IFT140: variants seen among roughly 807,000 people sequenced by gnomAD.
IFT140 encodes the protein intraflagellar transport 140.
A neutral mutation model predicts 164.6 loss-of-function variants in IFT140; 133 were observed. The observed-to-expected ratio is 0.81, with a 90% CI of 0.70 to 0.93. IFT140 has a LOEUF of 0.93. Among genes scored for constraint, IFT140 ranks in the 40% least tolerant of loss-of-function variants. IFT140 has a pLI of 0.00. For missense variants in IFT140, 2,045 were observed against 1,972.3 expected (o/e 1.04, Z -0.70); for synonymous variants, 860 against 817.3 (o/e 1.05, Z -0.89).
At chr16:1,574,022 G>A (rs2034148203) in intron 13 of IFT140, among the ~76,000 whole-genome samples, 1 of 152,154 alleles carries the variant, frequency 6.6e-6, no homozygotes, top group African/African-American at 2.4e-5. Context: ...TGCCGCCACA[G>A]GTAGCTGAGA....
At chr16:1,557,433 C>T (rs2033160895) in intron 19 of IFT140, 1 of 159,554 alleles carries the variant, frequency 6.3e-6, no homozygotes, top group African/African-American at 2.4e-5. Flanking sequence ...CCTTTTACCT[C>T]TTTAGTTTCA....
In IFT140 at chr16:1,553,802, T is replaced by A; in HGVS notation, c.2399+4133A>T. 8.3e-7 allele frequency: 1 copy of A among 1,198,664 alleles called. No homozygotes were observed. The highest frequency in any genetic ancestry group is 1.1e-6 in the Non-Finnish European group (1 of 946,844). 74.3% of individuals were successfully genotyped at this position (1,198,664 alleles called of 1,614,324 possible). On this transcript the variant is annotated intron_variant, in intron 19 of 30. Coordinates refer to ENST00000426508, the MANE Select transcript of IFT140 (RefSeq NM_014714.4). The surrounding 1 kb of genome is among the most constrained non-coding windows in gnomAD (Gnocchi z 4.4). ...CTCTCCTCCATCCTAGAGCCTATGT[T>A]TCCAGCTGGATTAGGACGCCCGGCT...
chr16:1,582,281 G>A (rs1308139749), intron 12 of IFT140, among the ~76,000 whole-genome samples: 1 of 152,156 alleles, frequency 6.6e-6, no homozygotes, highest in Non-Finnish European at 1.5e-5. Context: ...ACTCACGAGT[G>A]TCCCTGTAAG....
intron 19 of IFT140, among the ~76,000 whole-genome samples, chr16:1,528,456 C>T (rs1346696460): frequency 1.3e-5 from 2 of 151,186 alleles, no homozygotes; most frequent in African/African-American, 4.9e-5. Context: ...CACATGCATG[C>T]ACACACACAT....
intron 19 of IFT140, among the ~76,000 whole-genome samples, chr16:1,537,655 A>AG (rs2031206307): frequency 6.6e-6 from 1 of 152,270 alleles, no homozygotes; most frequent in East Asian, 1.9e-4. Flanking sequence ...CCATGTCCAG[A>AG]GGGGGTCTCA....
chr16:1,526,757 C>T lies in IFT140; in HGVS notation c.2439G>A (p.Lys813=), dbSNP rs1289609387. Residue 813 remains lysine (K), a synonymous_variant, in exon 20 of 31, where the codon AAG becomes AAA. Coordinates refer to ENST00000426508, the MANE Select transcript of IFT140 (RefSeq NM_014714.4). ...VWENMARMCV[K]TQRLDVAKVC... ...CCTTGGCCACGTCCAGCCGCTGGGT[C>T]TTCACGCACATGCGCGCCATGTTCT... 1.9e-6 allele frequency: 3 copies of T among 1,610,666 alleles called. No individual in the cohort carries two copies.
chr16:1,564,240 G>A lies in IFT140; in HGVS notation c.1902-78C>T, dbSNP rs992653133. 9.8e-6 allele frequency: 13 copies of A among 1,322,890 alleles called. No homozygotes were observed. Among genetic ancestry groups the A allele is most frequent in the Admixed American group, 5.1e-5 (2 of 39,158 alleles). 81.9% of individuals were successfully genotyped at this position (1,322,890 alleles called of 1,614,324 possible). A position where few individuals can be genotyped will look rare whatever the true frequency, so the allele number is the denominator to read the frequency against. ...CAGTCTCCCTCCCACACACATTCCCGAAGCCTCCAGGTGCTGTCCCAGACC... is the reference window on the plus strand; with the variant it reads ...CAGTCTCCCTCCCACACACATTCCCAAAGCCTCCAGGTGCTGTCCCAGACC... On this transcript the variant is annotated intron_variant, in intron 16 of 30. Coordinates refer to ENST00000426508, the MANE Select transcript of IFT140 (RefSeq NM_014714.4). This position sits in a 1 kb window ranked among gnomAD's most constrained non-coding sequence, Gnocchi z 5.5.
intron 19 of IFT140, among the ~76,000 whole-genome samples, chr16:1,528,531 A>AC (rs1403431099): frequency 6.6e-6 from 1 of 151,690 alleles, no homozygotes; most frequent in Non-Finnish European, 1.5e-5. Flanking sequence ...AGGCACACAC[A>AC]AGCACATGCA....
intron 4 of IFT140, 98 bp downstream of exon 4, chr16:1,602,272 G>T: frequency 9.7e-7 from 1 of 1,030,286 alleles, no homozygotes; most frequent in Non-Finnish European, 1.5e-6. Flanking sequence ...AACTGAATTT[G>T]GCAACAGCAC....
chr16:1,511,698 C>T (rs1327374830), intron 30 of IFT140, among the ~76,000 whole-genome samples: 2 of 151,972 alleles, frequency 1.3e-5, no homozygotes, highest in Non-Finnish European at 2.9e-5. Context: ...CTGGGGTGGG[C>T]GCTGGTGGAG....
rs538771201 is a variant in IFT140 at position 1,604,921 on chromosome 16, G to A, written c.147+2199C>T. The stretch of plus-strand genomic sequence containing the variant: ...TGGGAGGTGCCCATCTCAGTGAGCA[G>A]GAGATATGAGGCAGGGGAAGGGTGG... On this transcript the variant is annotated intron_variant, in intron 3 of 30. Coordinates refer to ENST00000426508, the MANE Select transcript of IFT140 (RefSeq NM_014714.4). 3.3e-5 allele frequency among the ~76,000 whole-genome samples: 5 copies of A among 152,174 alleles called. No homozygotes were observed. The South Asian group carries it at 8.3e-4, about 25-fold the overall frequency.
chr16:1,553,713 G>T lies in IFT140; in HGVS notation c.2399+4222C>A. 9.0e-7 allele frequency: 1 copy of T among 1,115,408 alleles called. No homozygotes were observed. The highest frequency in any genetic ancestry group is 2.2e-5 in the South Asian group (1 of 44,950). 69.1% of individuals were successfully genotyped at this position (1,115,408 alleles called of 1,614,324 possible). ...TGGCTGGAGGCCCCATGGCCTCCAGGACAATCTGTGGCCACATCCCCATGG... is the reference window on the plus strand; with the variant it reads ...TGGCTGGAGGCCCCATGGCCTCCAGTACAATCTGTGGCCACATCCCCATGG... On this transcript the variant is annotated intron_variant, in intron 19 of 30. Coordinates refer to ENST00000426508, the MANE Select transcript of IFT140 (RefSeq NM_014714.4). The surrounding 1 kb of genome is among the most constrained non-coding windows in gnomAD (Gnocchi z 4.4).
At chr16:1,607,328 T>G (rs1260447139) in intron 2 of IFT140, 31 bp from the exon 3 acceptor site, 2 of 1,542,218 alleles carry the variant, frequency 1.3e-6, no homozygotes, top group African/African-American at 1.4e-5. Flanking sequence ...CCAAGTCCAA[T>G]CAGTTTTAAA....
Position 1,562,125 on chromosome 16 carries a change from G to T in IFT140, c.2068-9C>A. 1 of 1,574,262 alleles carries T rather than the reference G, an allele frequency of 6.4e-7. No homozygotes were observed. Reference sequence around the variant, plus strand: ...AGGATCAAAACATCTGCCTGGGAGAGAAAGAAAAGTACTGTTCTGTTTTTT... The same window carrying T: ...AGGATCAAAACATCTGCCTGGGAGATAAAGAAAAGTACTGTTCTGTTTTTT... On this transcript the variant is annotated splice_polypyrimidine_tract_variant and intron_variant, in intron 17 of 30. Coordinates refer to ENST00000426508, the MANE Select transcript of IFT140 (RefSeq NM_014714.4).
intron 13 of IFT140, among the ~76,000 whole-genome samples, chr16:1,576,286 TAAAA>T (rs35262072): frequency 8.7e-6 from 1 of 115,380 alleles, no homozygotes; most frequent in African/African-American, 3.3e-5. Flanking sequence ...ACTCTGTCTT[TAAAA>T]AAAAAAAAAA....
intron 19 of IFT140, among the ~76,000 whole-genome samples, chr16:1,530,377 C>T (rs2030337139): frequency 1.3e-5 from 2 of 152,088 alleles, no homozygotes; most frequent in Middle Eastern, 3.4e-3. Flanking sequence ...GTGATCTGCT[C>T]GCCTCGGTCT....
At chr16:1,570,138 G>A (rs899296692) in intron 14 of IFT140, among the ~76,000 whole-genome samples, 1 of 152,110 alleles carries the variant, frequency 6.6e-6, no homozygotes, top group African/African-American at 2.4e-5. Context: ...TCCTGTCCTG[G>A]TCCTAGAGTC....
At chr16:1,524,116 G>A in intron 24 of IFT140, 160 bp from the exon 25 acceptor site, 1 of 934,536 alleles carries the variant, frequency 1.1e-6, no homozygotes, top group Non-Finnish European at 1.6e-6. Context: ...GACTTACTGG[G>A]TTTGTCTACA....
At chr16:1,599,335 C>T (rs1225898717) in intron 4 of IFT140, among the ~76,000 whole-genome samples, 1 of 72,662 alleles carries the variant, frequency 1.4e-5, no homozygotes, top group African/African-American at 9.2e-5. Context: ...GGGGGGTCAG[C>T]CCCCGCCAGG....
Sources: allele counts gnomAD v4.1 joint callset (sites outside exome capture counted in the v4.1 genomes callset), GRCh38; gene constraint gnomAD v4.1.1; non-coding constraint Gnocchi (gnomAD v3.1); transcripts MANE v1.5; gene names NCBI Gene and HGNC (gene_info 2026-07-23, HGNC 2026-07-21).